Variants in PTPRK observed in about 807,000 individuals in gnomAD.
PTPRK encodes the protein receptor-type tyrosine-protein phosphatase kappa.
In PTPRK, 75 loss-of-function variants were observed where a neutral mutation model predicts 178.0. That is an observed-to-expected ratio of 0.42 (90% CI 0.35 to 0.51). The LOEUF (loss-of-function observed/expected upper bound fraction) is 0.51. Ranked by LOEUF, PTPRK falls within the 20% of genes least tolerant of loss-of-function variation. The pLI, the probability that PTPRK is intolerant of heterozygous loss-of-function variation, is 0.02. For synonymous variants in PTPRK, 637 were observed against 620.6 expected (o/e 1.03, Z -0.39); for missense variants, 1,441 against 1,797.8 (o/e 0.80, Z 3.59).
intron 1 of PTPRK, among the ~76,000 whole-genome samples, chr6:128,398,314 C>G (rs180844324): frequency 6.6e-6 from 1 of 152,288 alleles, no homozygotes; most frequent in East Asian, 1.9e-4. Flanking sequence ...TCCATCACCA[C>G]TCAGAAAACA....
intron 1 of PTPRK, among the ~76,000 whole-genome samples, chr6:128,483,110 T>A (rs536270683): frequency 6.6e-6 from 1 of 152,252 alleles, no homozygotes; most frequent in Admixed American, 6.5e-5. Flanking sequence ...GGCCCAGCAA[T>A]TTATCTATTT....
chr6:128,493,368 C>T (rs1854133369), intron 1 of PTPRK, among the ~76,000 whole-genome samples: 1 of 152,072 alleles, frequency 6.6e-6, no homozygotes, highest in South Asian at 2.1e-4. Flanking sequence ...CAAGACCATC[C>T]TGGCTAACAC....
chr6:128,368,624 T>C (rs936485871), intron 2 of PTPRK, among the ~76,000 whole-genome samples: 7 of 152,086 alleles, frequency 4.6e-5, no homozygotes, highest in Non-Finnish European at 1.0e-4. Context: ...GAGTCAGAAA[T>C]TATTTTCCTT....
intron 3 of PTPRK, among the ~76,000 whole-genome samples, chr6:128,318,908 T>C (rs1584124646): frequency 6.6e-6 from 1 of 152,264 alleles, no homozygotes; most frequent in African/African-American, 2.4e-5. Context: ...TTGTGGCCCA[T>C]AAAATACGTA....
intron 3 of PTPRK, among the ~76,000 whole-genome samples, chr6:128,297,000 C>T (rs1380084223): frequency 1.7e-4 from 26 of 151,484 alleles, no homozygotes; most frequent in Admixed American, 1.6e-3. Flanking sequence ...CAGAGACACA[C>T]ATAGGCTCAA....
intron 2 of PTPRK, among the ~76,000 whole-genome samples, chr6:128,378,773 A>G (rs935278347): frequency 1.3e-5 from 2 of 152,128 alleles, no homozygotes; most frequent in Admixed American, 1.3e-4. Context: ...ACAGAGCAGA[A>G]TTTTGTCACT....
intron 2 of PTPRK, among the ~76,000 whole-genome samples, chr6:128,327,255 T>C (rs1829706486): frequency 6.6e-6 from 1 of 152,226 alleles, no homozygotes; most frequent in African/African-American, 2.4e-5. Context: ...TAATTCATGA[T>C]AAATAGATTT....
intron 3 of PTPRK, among the ~76,000 whole-genome samples, chr6:128,291,521 T>C (rs1823383059): frequency 6.6e-6 from 1 of 152,170 alleles, no homozygotes; most frequent in Admixed American, 6.6e-5. Flanking sequence ...AACTGAGTTA[T>C]AATTTGAACT....
At chr6:128,355,774 T>C (rs1833873108) in intron 2 of PTPRK, among the ~76,000 whole-genome samples, 1 of 152,118 alleles carries the variant, frequency 6.6e-6, no homozygotes. Context: ...TGTGCACATG[T>C]ACCCTAAAAC....
chr6:128,279,513 C>G (rs1261660347), intron 3 of PTPRK, among the ~76,000 whole-genome samples: 2 of 152,140 alleles, frequency 1.3e-5, no homozygotes, highest in African/African-American at 4.8e-5. Flanking sequence ...GCAGCAGCTA[C>G]TTCAACAGGG....
intron 1 of PTPRK, among the ~76,000 whole-genome samples, chr6:128,464,620 CATATAT>C (rs1174612862): frequency 1.1e-5 from 1 of 88,824 alleles, no homozygotes; most frequent in Non-Finnish European, 2.2e-5. Context: ...TATACATATA[CATATAT>C]ATATATATAC....
At chr6:128,404,743 T>C (rs1841457358) in intron 1 of PTPRK, among the ~76,000 whole-genome samples, 1 of 152,094 alleles carries the variant, frequency 6.6e-6, no homozygotes, top group South Asian at 2.1e-4. Context: ...ATTTCACAGA[T>C]GAAAAGAGGT....
intron 2 of PTPRK, among the ~76,000 whole-genome samples, chr6:128,369,027 C>T (rs145673852): frequency 1.3e-5 from 2 of 149,454 alleles, no homozygotes; most frequent in Admixed American, 6.7e-5. Flanking sequence ...ACTTAATTCA[C>T]GTTCTTTTAA....
chr6:128,234,971 C>T (rs9402026), intron 5 of PTPRK, among the ~76,000 whole-genome samples: 61 of 152,260 alleles, frequency 4.0e-4, no homozygotes, highest in East Asian at 1.9e-3. Flanking sequence ...CTATAGTTAA[C>T]AATTTATTGT....
chr6:128,504,903 T>C (rs1428567868), intron 1 of PTPRK, among the ~76,000 whole-genome samples: 2 of 152,134 alleles, frequency 1.3e-5, no homozygotes, highest in African/African-American at 4.8e-5. Flanking sequence ...GACCAAAATA[T>C]GTAGCAGTCT....
At chr6:128,053,149 AACAC>A (rs61106638) in intron 13 of PTPRK, among the ~76,000 whole-genome samples, 6,808 of 143,610 alleles carry the variant, frequency 0.047, 316 homozygotes, top group African/African-American at 0.12. Context: ...ATGTGTATGG[AACAC>A]ACACACACAC....
At chr6:128,284,652 C>G (rs1319333640) in intron 3 of PTPRK, among the ~76,000 whole-genome samples, 1 of 152,152 alleles carries the variant, frequency 6.6e-6, no homozygotes, top group Non-Finnish European at 1.5e-5. Flanking sequence ...ATGATATTTA[C>G]AGAAAAGATG....
At chr6:127,989,260 T>G (rs1776318716) in intron 21 of PTPRK, among the ~76,000 whole-genome samples, 1 of 152,110 alleles carries the variant, frequency 6.6e-6, no homozygotes, top group Non-Finnish European at 1.5e-5. Flanking sequence ...AAATCAAGCT[T>G]AATGGTTCTT....
intron 2 of PTPRK, among the ~76,000 whole-genome samples, chr6:128,395,907 G>A (rs1840239078): frequency 6.6e-6 from 1 of 151,956 alleles, no homozygotes; most frequent in Non-Finnish European, 1.5e-5. Context: ...TATTATAAAA[G>A]TACACATCAC....
Sources: allele counts gnomAD v4.1 joint callset (sites outside exome capture counted in the v4.1 genomes callset), GRCh38; gene constraint gnomAD v4.1.1; transcripts MANE v1.5; gene names NCBI Gene and HGNC (gene_info 2026-07-23, HGNC 2026-07-21).